The following GRM1 variants were observed in gnomAD, a reference collection of about 807,000 sequenced individuals.
GRM1 encodes the protein metabotropic glutamate receptor 1.
GRM1 carries 33 observed loss-of-function variants against 90.9 expected under a neutral mutation model. The ratio of observed to expected loss-of-function variants is 0.36; its 90% confidence interval spans 0.28 to 0.49. GRM1 has a LOEUF of 0.49. Among genes scored for constraint, GRM1 ranks in the 20% least tolerant of loss-of-function variants. The pLI is 0.99. For missense variants in GRM1, 1,190 were observed against 1,534.3 expected, an observed-to-expected ratio of 0.78 and a Z score of 3.75; for synonymous variants, 700 against 613.2, an observed-to-expected ratio of 1.14 and a Z score of -2.09.
Position 146,437,033 on chromosome 6 carries a change from G to A in GRM1, c.*2237G>A, listed in dbSNP as rs1356185202. 6.6e-6 allele frequency: 1 copy of A among 152,214 alleles called. No individual in the cohort carries two copies. The highest frequency in any genetic ancestry group is 1.5e-5 in the Non-Finnish European group (1 of 68,014). The allele number at this position is 152,214 out of a possible 1,614,324, so 9.4% of individuals were successfully genotyped here. A position where few individuals can be genotyped will look rare whatever the true frequency, so the allele number is the denominator to read the frequency against. On this transcript the variant is annotated 3_prime_UTR_variant, in exon 8 of 8. Transcript: ENST00000282753. The stretch of plus-strand genomic sequence containing the variant: ...ATTGAAAAGATCTCATGACTGAGAT[G>A]TGGACTTTGGTTCCATGTTTTCATT...
At chr6:146,428,131 A>G (rs772489431) in intron 7 of GRM1, among the ~76,000 whole-genome samples, 70 of 152,216 alleles carry the variant, frequency 4.6e-4, no homozygotes, top group Non-Finnish European at 3.1e-4. Flanking sequence ...CCTTCTTCAG[A>G]CCATAAAGGA....
intron 1 of GRM1, among the ~76,000 whole-genome samples, chr6:146,134,791 T>C (rs1776551590): frequency 6.6e-6 from 1 of 151,696 alleles, no homozygotes; most frequent in East Asian, 1.9e-4. Context: ...TGTAGCTGGG[T>C]GTGGTGGCAG....
intron 3 of GRM1, among the ~76,000 whole-genome samples, chr6:146,313,483 C>T (rs1291905379): frequency 6.6e-6 from 1 of 152,154 alleles, no homozygotes; most frequent in Non-Finnish European, 1.5e-5. Context: ...TAGATTGTTT[C>T]TATGGCATTT....
chr6:146,043,349 T>C (rs1488515972), intron 1 of GRM1, among the ~76,000 whole-genome samples: 2 of 151,968 alleles, frequency 1.3e-5, no homozygotes, highest in Admixed American at 6.6e-5. Flanking sequence ...TTAGTCTTCC[T>C]GAAGAATTGC....
At chr6:146,244,994 T>C (rs1781005839) in intron 2 of GRM1, among the ~76,000 whole-genome samples, 1 of 152,228 alleles carries the variant, frequency 6.6e-6, no homozygotes, top group Non-Finnish European at 1.5e-5. Flanking sequence ...ACTTAATTGA[T>C]AGTTGCTGCC....
chr6:146,085,946 A>T (rs1776528910), intron 1 of GRM1, among the ~76,000 whole-genome samples: 1 of 152,122 alleles, frequency 6.6e-6, no homozygotes, highest in African/African-American at 2.4e-5. Flanking sequence ...ATTTAATAGA[A>T]TTTGAGAAAG....
rs140320022 is a variant in GRM1, at chr6:146,288,737, C to G, written c.951-15874C>G. On this transcript the variant is annotated intron_variant, in intron 2 of 7. Transcript: ENST00000282753. ...GCCAGGGTGGTCTCCAACTCCTGAC[C>G]TCAAGTGATCTGCCTGCCTCGGCCA... Among the ~76,000 whole-genome samples, 1,358 of 152,232 alleles carry G rather than the reference C, an allele frequency of 8.9e-3. 19 individuals are homozygous for G. Among genetic ancestry groups the G allele is most frequent in the African/African-American group, 0.03 (1,252 of 41,532 alleles).
chr6:146,135,894 A>G (rs1212135794), intron 1 of GRM1, among the ~76,000 whole-genome samples: 3 of 151,908 alleles, frequency 2.0e-5, no homozygotes, highest in African/African-American at 7.3e-5. Flanking sequence ...CTATTTTTTT[A>G]TACCCATTAA....
chr6:146,054,498 T>A (rs1448353605), intron 1 of GRM1, among the ~76,000 whole-genome samples: 1 of 152,084 alleles, frequency 6.6e-6, no homozygotes, highest in Non-Finnish European at 1.5e-5. Context: ...TTCTGTACCT[T>A]ATATTTTATC....
chr6:146,101,723 A>G (rs1777056675), intron 1 of GRM1, among the ~76,000 whole-genome samples: 1 of 151,848 alleles, frequency 6.6e-6, no homozygotes, highest in Non-Finnish European at 1.5e-5. Context: ...CATAGTAATT[A>G]TAACTGGTAT....
intron 5 of GRM1, among the ~76,000 whole-genome samples, chr6:146,380,721 A>G (rs1389456548): frequency 1.3e-5 from 2 of 151,982 alleles, no homozygotes; most frequent in Non-Finnish European, 2.9e-5. Flanking sequence ...CACAGCTGGT[A>G]ATCTGTTGAG....
rs182701851 is a variant in GRM1 at position 146,427,036 on chromosome 6, A to G, written c.2661-6836A>G. On this transcript the variant is annotated intron_variant, in intron 7 of 7. Coordinates refer to ENST00000282753, the MANE Select transcript of GRM1 (RefSeq NM_001278064.2). The stretch of plus-strand genomic sequence containing the variant: ...TTTTGCGGTTGCACAAATGTTTGAA[A>G]TGATGCTGTCTGCACTAAAGTAAAA... Among the ~76,000 whole-genome samples the G allele has an allele frequency of 1.4e-4, 21 of 152,214 alleles. 1 individual carries two copies. The highest frequency in any genetic ancestry group is 7.9e-4 in the Admixed American group (12 of 15,286).
At chr6:146,324,327 G>A (rs1200196597) in intron 3 of GRM1, among the ~76,000 whole-genome samples, 1 of 152,136 alleles carries the variant, frequency 6.6e-6, no homozygotes, top group Non-Finnish European at 1.5e-5. Flanking sequence ...AGCTTGCTGA[G>A]CTCTGTGCGG....
At chr6:146,416,075 C>A (rs1387043544) in intron 7 of GRM1, among the ~76,000 whole-genome samples, 3 of 152,064 alleles carry the variant, frequency 2.0e-5, no homozygotes, top group Non-Finnish European at 4.4e-5. Context: ...AGCTTTCTAA[C>A]CTTTGACTTT....
At chr6:146,365,823 G>T (rs553028135) in intron 5 of GRM1, among the ~76,000 whole-genome samples, 92 of 152,262 alleles carry the variant, frequency 6.0e-4, no homozygotes, top group African/African-American at 2.0e-3. Context: ...CTATCAGGAC[G>T]AGGACCAGAG....
rs112775415 is a variant in GRM1, at chr6:146,398,813, G to A, written c.1774G>A (p.Glu592Lys). ...GCGCTATCTTGAGTGGAGCAACATC[G>A]AATCCATTATAGCCATCGCCTTTTC... ...PVRYLEWSNI[E>K]SIIAIAFSCL... The change falls in exon 7 of 8, where the codon GAA becomes AAA. Residue 592 changes from glutamate (E) to lysine (K), a missense_variant. Glu to Lys is a moderately conservative substitution (Grantham distance 56). Around this residue, in one of 10 missense-constraint regions of GRM1, gnomAD observed 414 missense variants for 598.4 expected, o/e 0.69. Transcript: ENST00000282753. 9 of 1,613,726 alleles carry A rather than the reference G, an allele frequency of 5.6e-6. No homozygotes were observed. The highest frequency in any genetic ancestry group is 1.6e-4 in the Middle Eastern group (1 of 6,062).
At chr6:146,167,458 A>G (rs1353217590) in intron 2 of GRM1, among the ~76,000 whole-genome samples, 1 of 152,140 alleles carries the variant, frequency 6.6e-6, no homozygotes, top group Non-Finnish European at 1.5e-5. Flanking sequence ...ATTACTGTAT[A>G]AGAAATTGAC....
At chr6:146,158,420 T>C (rs1777597744) in intron 1 of GRM1, among the ~76,000 whole-genome samples, 1 of 151,958 alleles carries the variant, frequency 6.6e-6, no homozygotes, top group African/African-American at 2.4e-5. Context: ...AGATGGATGT[T>C]TGACATCCAC....
rs56956724 is a variant in GRM1, at chr6:146,260,804, G to GTTTTTTTTTTTTTTT, written c.951-43788_951-43774dup. 6.2e-4 allele frequency among the ~76,000 whole-genome samples: 14 copies of GTTTTTTTTTTTTTTT among 22,740 alleles called. 1 individual carries two copies. Among genetic ancestry groups the GTTTTTTTTTTTTTTT allele is most frequent in the African/African-American group, 1.9e-3 (11 of 5,916 alleles). The allele number at this position is 22,740 out of a possible 152,430, so 14.9% of individuals were successfully genotyped here. ...CCCATTTTTTAATTAGGTTATTTGG[G>GTTTTTTTTTTTTTTT]TTTTTTTTTTTTTTTTTTTTTTTTT... On this transcript the variant is annotated intron_variant, in intron 2 of 7. Transcript: ENST00000282753.
Sources: gnomAD v4.1 joint callset for allele counts (sites outside exome capture counted in the v4.1 genomes callset) on GRCh38, gnomAD v4.1.1 for gene constraint, gnomAD v4.1.1 regional missense constraint, MANE v1.5 for transcripts, NCBI Gene and HGNC (gene_info 2026-07-23, HGNC 2026-07-21) for gene names.